Variants in GRXCR2 observed in about 807,000 individuals in gnomAD.
GRXCR2 encodes the protein glutaredoxin domain-containing cysteine-rich protein 2.
In GRXCR2, 23 loss-of-function variants were observed where a neutral mutation model predicts 24.8. The ratio of observed to expected loss-of-function variants is 0.93; its 90% CI spans 0.67 to 1.32. The LOEUF (loss-of-function observed/expected upper bound fraction) is 1.32, where lower values mean the gene tolerates loss of function less well. Among genes scored for constraint, GRXCR2 ranks in the 40% most tolerant of loss-of-function variants. The probability of loss-of-function intolerance (pLI) is 0.00; values close to 1 mark genes in which losing one functional copy is unlikely to be tolerated. For missense variants in GRXCR2, 315 were observed against 303.4 expected (o/e 1.04, Z -0.28); for synonymous variants, 130 against 116.1 (o/e 1.12, Z -0.77).
At chr5:145,929,199 C>CTATATATATA (rs72283862) in intron 2 of GRXCR2, among the ~76,000 whole-genome samples, 3,775 of 116,288 alleles carry the variant, frequency 0.032, 129 homozygotes, top group African/African-American at 0.063. Flanking sequence ...ATATTCCCCC[C>CTATATATATA]TATATATATA....
chr5:145,898,859 G>C (rs964615974), intron 2 of GRXCR2, among the ~76,000 whole-genome samples: 12 of 151,756 alleles, frequency 7.9e-5, no homozygotes, highest in Admixed American at 2.0e-4. Context: ...TGAACTTGAA[G>C]ATGTCCACAC....
At chr5:145,866,306 T>C (rs1756433622) in intron 2 of GRXCR2, among the ~76,000 whole-genome samples, 195 bp downstream of exon 2, 1 of 152,230 alleles carries the variant, frequency 6.6e-6, no homozygotes, top group Non-Finnish European at 1.5e-5. Flanking sequence ...ATCTGAAATA[T>C]GGACTTATAA....
intron 2 of GRXCR2, among the ~76,000 whole-genome samples, chr5:145,893,501 G>C (rs1215638760): frequency 6.6e-6 from 1 of 152,146 alleles, no homozygotes; most frequent in African/African-American, 2.4e-5. Context: ...TGATGAAACA[G>C]ACTTTAAACC....
At chr5:145,887,950 A>T (rs61198210) in intron 2 of GRXCR2, among the ~76,000 whole-genome samples, 5,388 of 152,332 alleles carry the variant, frequency 0.035, 258 homozygotes, top group African/African-American at 0.11. Context: ...GTAGTATTTT[A>T]TATCAATTAC....
intron 2 of GRXCR2, among the ~76,000 whole-genome samples, chr5:145,921,426 C>T (rs1435843079): frequency 6.6e-6 from 1 of 152,178 alleles, no homozygotes; most frequent in Non-Finnish European, 1.5e-5. Flanking sequence ...CCCCAGTCTG[C>T]TCCACCCTCC....
At chr5:145,858,303 A>AC (rs1161615136), downstream of GRXCR2, among the ~76,000 whole-genome samples, 1 of 119,298 alleles carries the variant, frequency 8.4e-6, no homozygotes, top group African/African-American at 3.3e-5. Context: ...AACAGAGCGG[A>AC]CTCTGTCTCC....
Position 145,859,582 on chromosome 5 carries a change from G to A in GRXCR2, c.*151C>T. 1.5e-6 allele frequency: 1 copy of A among 661,300 alleles called. No individual in the cohort carries two copies. The highest frequency in any genetic ancestry group is 2.7e-5 in the East Asian group (1 of 37,058). The allele number at this position is 661,300 out of a possible 1,614,324, so 41.0% of individuals were successfully genotyped here. ...AGAGATGTTACCGGCCTCACAAAAT[G>A]TCATCAGATAATTGAGTTTTGCCAG... is the stretch of plus-strand genomic sequence containing the variant. On this transcript the variant is annotated 3_prime_UTR_variant, in exon 3 of 3. Transcript: ENST00000377976.
chr5:145,908,252 C>T (rs527935428), intron 2 of GRXCR2, among the ~76,000 whole-genome samples: 73 of 152,260 alleles, frequency 4.8e-4, no homozygotes, highest in African/African-American at 1.6e-3. Context: ...GTTTAAAGTT[C>T]AGCTCTAGGA....
chr5:145,922,013 G>A (rs1022305849), intron 2 of GRXCR2, among the ~76,000 whole-genome samples: 1 of 152,082 alleles, frequency 6.6e-6, no homozygotes, highest in Non-Finnish European at 1.5e-5. Flanking sequence ...TATATAAACA[G>A]CCCCCAAATC....
intron 2 of GRXCR2, 68 bp from the exon 3 acceptor site, chr5:145,859,983 A>G: frequency 1.6e-6 from 2 of 1,275,438 alleles, no homozygotes; most frequent in Non-Finnish European, 2.1e-6. Context: ...GCAGGTCAAA[A>G]CAGCACTAGA....
At chr5:145,891,495 C>A (rs576681070) in intron 2 of GRXCR2, among the ~76,000 whole-genome samples, 31 of 152,346 alleles carry the variant, frequency 2.0e-4, no homozygotes, top group East Asian at 1.2e-3. Flanking sequence ...TATCCTGTGC[C>A]TGGCTCGGAG....
intron 2 of GRXCR2, among the ~76,000 whole-genome samples, chr5:145,915,493 C>G (rs187470741): frequency 2.0e-5 from 3 of 152,124 alleles, no homozygotes; most frequent in Admixed American, 6.5e-5. Context: ...TGGTTACAAA[C>G]GTAGGCTCAG....
chr5:145,906,323 G>A (rs1425934321), intron 2 of GRXCR2, among the ~76,000 whole-genome samples: 1 of 151,662 alleles, frequency 6.6e-6, no homozygotes, highest in African/African-American at 2.4e-5. Context: ...GTGAGATGGT[G>A]TCCTTGGACT....
chr5:145,879,306 G>A (rs1254884510), intron 2 of GRXCR2, among the ~76,000 whole-genome samples: 3 of 150,998 alleles, frequency 2.0e-5, no homozygotes, highest in South Asian at 2.1e-4. Flanking sequence ...CCCATCTCAC[G>A]TGCAGAGACA....
At chr5:145,872,241 G>A (rs1339751584) in intron 1 of GRXCR2, among the ~76,000 whole-genome samples, 1 of 149,822 alleles carries the variant, frequency 6.7e-6, no homozygotes, top group East Asian at 2.1e-4. Flanking sequence ...ATTGGCTGGA[G>A]TAAAATGAGC....
At chr5:145,877,753 C>T (rs768261372), upstream of GRXCR2, among the ~76,000 whole-genome samples, 19 of 152,256 alleles carry the variant, frequency 1.2e-4, no homozygotes, top group African/African-American at 3.1e-4. Flanking sequence ...CAAAGCAGGG[C>T]GGGGCATTCC....
At chr5:145,915,610 C>A (rs1230901669) in intron 2 of GRXCR2, among the ~76,000 whole-genome samples, 1 of 151,996 alleles carries the variant, frequency 6.6e-6, no homozygotes, top group Non-Finnish European at 1.5e-5. Flanking sequence ...TATGGTGAAA[C>A]CCCGACTCTA....
At chr5:145,879,977 G>T (rs569207432) in intron 2 of GRXCR2, among the ~76,000 whole-genome samples, 1 of 152,268 alleles carries the variant, frequency 6.6e-6, no homozygotes, top group East Asian at 1.9e-4. Context: ...CAGAAATAAA[G>T]ATGTTCTTTG....
intron 2 of GRXCR2, among the ~76,000 whole-genome samples, chr5:145,883,378 A>C (rs1756732023): frequency 6.6e-6 from 1 of 152,182 alleles, no homozygotes; most frequent in South Asian, 2.1e-4. Context: ...AACTGTACCT[A>C]AAACTTATGC....
Sources: gnomAD v4.1 joint callset for allele counts (sites outside exome capture counted in the v4.1 genomes callset) on GRCh38, gnomAD v4.1.1 for gene constraint, MANE v1.5 for transcripts, NCBI Gene and HGNC (gene_info 2026-07-23, HGNC 2026-07-21) for gene names.